MMS22L: variants seen among roughly 807,000 people sequenced by gnomAD.
MMS22L encodes MMS22 like, DNA repair protein.
MMS22L carries 74 observed loss-of-function variants against 159.1 expected under a neutral mutation model. That is an observed-to-expected ratio of 0.47 (90% CI 0.39 to 0.56). The LOEUF (loss-of-function observed/expected upper bound fraction) is 0.56. Among genes scored for constraint, MMS22L ranks in the 20% least tolerant of loss-of-function variants. The pLI, the probability that MMS22L is intolerant of heterozygous loss-of-function variation, is 0.00. For missense variants in MMS22L, 1,351 were observed against 1,422.1 expected (o/e 0.95, Z 0.80); for synonymous variants, 517 against 506.9 (o/e 1.02, Z -0.27).
At chr6:97,206,323 G>GAA (rs1225854040) in intron 14 of MMS22L, among the ~76,000 whole-genome samples, 1 of 121,292 alleles carries the variant, frequency 8.2e-6, no homozygotes. Flanking sequence ...ATTTAACAAG[G>GAA]AAAAAAAAAA....
intron 21 of MMS22L, among the ~76,000 whole-genome samples, chr6:97,164,834 G>C (rs1347067267): frequency 6.6e-6 from 1 of 151,932 alleles, no homozygotes; most frequent in Non-Finnish European, 1.5e-5. Context: ...GGCCAGGCTG[G>C]TCTCGAACTC....
At chr6:97,199,371 G>A (rs767329109) in intron 14 of MMS22L, among the ~76,000 whole-genome samples, 28 of 151,962 alleles carry the variant, frequency 1.8e-4, no homozygotes, top group Non-Finnish European at 3.2e-4. Context: ...AAATGTTCCC[G>A]TCACAGTGAA....
chr6:97,188,718 G>A (rs376158192), intron 14 of MMS22L, among the ~76,000 whole-genome samples: 1 of 152,134 alleles, frequency 6.6e-6, no homozygotes, highest in Non-Finnish European at 1.5e-5. Context: ...CCAGCACTTT[G>A]GGAGGCCAGG....
chr6:97,228,859 C>A (rs1159443442), intron 14 of MMS22L, 35 bp downstream of exon 14: 1 of 1,549,708 alleles, frequency 6.5e-7, no homozygotes, highest in African/African-American at 1.4e-5. Context: ...TTATATAAAA[C>A]AAATCATAAA....
intron 19 of MMS22L, among the ~76,000 whole-genome samples, chr6:97,170,169 G>A (rs1803380767): frequency 6.6e-6 from 1 of 152,132 alleles, no homozygotes. Flanking sequence ...ACTATCTGCG[G>A]TTTCAGGCAT....
At chr6:97,240,613 G>GTA (rs1312506686) in intron 11 of MMS22L, among the ~76,000 whole-genome samples, 1 of 148,266 alleles carries the variant, frequency 6.7e-6, no homozygotes, top group Non-Finnish European at 1.5e-5. Context: ...AATATACACT[G>GTA]TACCCAAAGT....
intron 3 of MMS22L, 106 bp downstream of exon 3, chr6:97,281,131 C>A: frequency 9.0e-7 from 1 of 1,109,046 alleles, no homozygotes; most frequent in Non-Finnish European, 1.3e-6. Flanking sequence ...GCAACCAGCA[C>A]AATTCCTCTG....
At chr6:97,173,811 A>G (rs1803814507) in intron 18 of MMS22L, among the ~76,000 whole-genome samples, 2 of 152,142 alleles carry the variant, frequency 1.3e-5, no homozygotes, top group South Asian at 4.1e-4. Flanking sequence ...GAGAAATGTG[A>G]GGTGAATCAG....
At chr6:97,165,138 G>C in intron 21 of MMS22L, 108 bp downstream of exon 21, 2 of 875,342 alleles carry the variant, frequency 2.3e-6, no homozygotes, top group Admixed American at 2.5e-5. Context: ...AAAAGCTTCT[G>C]AACTACTAGT....
Position 97,281,278 on chromosome 6 carries a change from T to C in MMS22L, c.249A>G (p.Thr83=). 6.2e-7 allele frequency: 1 copy of C among 1,611,716 alleles called. No homozygotes were observed. Among genetic ancestry groups the C allele is most frequent in the Non-Finnish European group, 8.5e-7 (1 of 1,179,334 alleles). The change falls in exon 3 of 25, where the codon ACA becomes ACG. Residue 83 remains threonine, a synonymous_variant. Transcript: ENST00000683635. The part of the protein sequence containing the change: ...EIFGIQWVTE[T]ALVNSSRELF... ...GTTCTCTAGATGAATTCACTAATGCTGTTTCAGTAACCCACTGAATGCCAA... is the reference window on the plus strand; with the variant it reads ...GTTCTCTAGATGAATTCACTAATGCCGTTTCAGTAACCCACTGAATGCCAA...
intron 11 of MMS22L, among the ~76,000 whole-genome samples, chr6:97,244,106 A>G (rs1286162420): frequency 2.9e-4 from 44 of 152,210 alleles, no homozygotes; most frequent in Non-Finnish European, 7.4e-5. Context: ...ACAGGATGTT[A>G]CAGGTAATGA....
intron 19 of MMS22L, among the ~76,000 whole-genome samples, chr6:97,168,580 C>T (rs1803217513): frequency 6.6e-6 from 1 of 151,998 alleles, no homozygotes; most frequent in Admixed American, 6.6e-5. Flanking sequence ...AAAAGAAATG[C>T]TCATTAGACC....
intron 3 of MMS22L, among the ~76,000 whole-genome samples, chr6:97,279,777 C>T (rs540072898): frequency 6.8e-6 from 1 of 147,716 alleles, no homozygotes; most frequent in African/African-American, 2.5e-5. Context: ...CAGTGTGAGA[C>T]ACCCTCTCAA....
intron 1 of MMS22L, 54 bp from the exon 2 acceptor site, chr6:97,282,607 C>T (rs1438477106): frequency 1.9e-6 from 1 of 520,156 alleles, no homozygotes. Context: ...TCAGAAAGTT[C>T]TCAAGACGTC....
rs1216044544 is a variant in MMS22L, at chr6:97,145,012, GA to G, written c.*1793del. ...AAGGTATCTTTATCAATCTCCTTTG[GA>G]AAAAAAAAACCCACACACACACACA... On this transcript the variant is annotated 3_prime_UTR_variant, in exon 25 of 25. Transcript: ENST00000683635. The G allele has an allele frequency of 3.5e-4, 32 of 90,892 alleles. No homozygotes were observed. The highest frequency in any genetic ancestry group is 1.2e-3 in the African/African-American group (27 of 22,820). 5.6% of individuals were successfully genotyped at this position (90,892 alleles called of 1,614,324 possible).
In MMS22L at chr6:97,229,708, TTTC is replaced by T. The variant is rs1316686857; in HGVS notation, c.1530-308_1530-306del. Among the ~76,000 whole-genome samples the T allele has an allele frequency of 5.3e-5, 8 of 152,186 alleles. No individual in the cohort carries two copies. The South Asian group carries it at 1.7e-3, about 32-fold the overall frequency. The stretch of plus-strand genomic sequence containing the variant: ...CCTTTTATTCAAGTCCCCCATCACC[TTTC>T]TTTTCTTATTTTGATTAGTAAATAA... On this transcript the variant is annotated intron_variant, in intron 13 of 24. Transcript: ENST00000683635.
intron 3 of MMS22L, among the ~76,000 whole-genome samples, chr6:97,279,928 T>A (rs1816609991): frequency 6.6e-6 from 1 of 152,206 alleles, no homozygotes; most frequent in Non-Finnish European, 1.5e-5. Context: ...GGAAAGCTGT[T>A]ATTTATCATG....
At chr6:97,215,178 C>T (rs1278552670) in intron 14 of MMS22L, among the ~76,000 whole-genome samples, 3 of 149,870 alleles carry the variant, frequency 2.0e-5, no homozygotes, top group Admixed American at 6.7e-5. Flanking sequence ...TTCCTTGAAA[C>T]CAACAAGGAG....
chr6:97,150,586 T>C (rs981480068), intron 23 of MMS22L, among the ~76,000 whole-genome samples: 5 of 152,144 alleles, frequency 3.3e-5, no homozygotes, highest in African/African-American at 1.2e-4. Flanking sequence ...AAAAGCCACC[T>C]CGCTTAGTAA....
Sources: gnomAD v4.1 joint callset for allele counts (sites outside exome capture counted in the v4.1 genomes callset) on GRCh38, gnomAD v4.1.1 for gene constraint, MANE v1.5 for transcripts, NCBI Gene and HGNC (gene_info 2026-07-23, HGNC 2026-07-21) for gene names.